The following CTNND2 variants were observed in gnomAD, a reference collection of about 807,000 sequenced individuals.
CTNND2 encodes the protein catenin delta 2, also known as catenin delta-2.
CTNND2 carries 22 observed loss-of-function variants against 144.4 expected under a neutral mutation model. The observed-to-expected ratio is 0.15, with a 90% CI of 0.11 to 0.22. The LOEUF (loss-of-function observed/expected upper bound fraction) is 0.22. Ranked by LOEUF, CTNND2 falls within the 10% of genes least tolerant of loss-of-function variation. CTNND2 has a pLI of 1.00. For missense variants in CTNND2, 1,353 were observed against 1,618.8 expected (o/e 0.84, Z 2.82); for synonymous variants, 751 against 695.6 (o/e 1.08, Z -1.25).
chr5:11,644,692 A>G (rs1234269607), intron 2 of CTNND2, among the ~76,000 whole-genome samples: 2 of 150,592 alleles, frequency 1.3e-5, no homozygotes, highest in Non-Finnish European at 3.0e-5. Flanking sequence ...AAAAAAAATG[A>G]TACCAAGCAA....
At chr5:11,008,345 G>T (rs1199728273) in intron 18 of CTNND2, among the ~76,000 whole-genome samples, 1 of 152,162 alleles carries the variant, frequency 6.6e-6, no homozygotes, top group African/African-American at 2.4e-5. Flanking sequence ...CTCAAGGGTT[G>T]TTCCTTATAA....
chr5:11,047,098 T>G (rs1256068148), intron 16 of CTNND2, among the ~76,000 whole-genome samples: 1 of 152,192 alleles, frequency 6.6e-6, no homozygotes, highest in East Asian at 1.9e-4. Flanking sequence ...TGAGCTGAGT[T>G]TCATGACCGT....
intron 1 of CTNND2, among the ~76,000 whole-genome samples, chr5:11,799,369 A>C (rs886750284): frequency 1.3e-5 from 2 of 152,124 alleles, no homozygotes; most frequent in Admixed American, 1.3e-4. Flanking sequence ...CTGAATAAAG[A>C]TATGGGTTCC....
chr5:11,444,368 A>G (rs1182004142), intron 3 of CTNND2, among the ~76,000 whole-genome samples: 1 of 152,234 alleles, frequency 6.6e-6, no homozygotes, highest in African/African-American at 2.4e-5. Flanking sequence ...GAAAAAACAA[A>G]TGTGTAACCT....
At chr5:11,285,875 T>C (rs545810707) in intron 9 of CTNND2, among the ~76,000 whole-genome samples, 2 of 152,330 alleles carry the variant, frequency 1.3e-5, no homozygotes, top group East Asian at 3.9e-4. Context: ...ATATGTTAAA[T>C]CCAAAGTGAT....
intron 1 of CTNND2, among the ~76,000 whole-genome samples, chr5:11,773,379 C>T (rs1790058251): frequency 6.6e-6 from 1 of 152,092 alleles, no homozygotes; most frequent in Non-Finnish European, 1.5e-5. Context: ...TTAATAAGTA[C>T]AATAGTCAAA....
At chr5:11,093,361 C>T (rs1291309532) in intron 15 of CTNND2, among the ~76,000 whole-genome samples, 1 of 148,438 alleles carries the variant, frequency 6.7e-6, no homozygotes, top group Non-Finnish European at 1.5e-5. Context: ...TAATAGTCTG[C>T]AACAAACAAA....
At chr5:11,528,680 G>A (rs999372895) in intron 3 of CTNND2, among the ~76,000 whole-genome samples, 1 of 152,210 alleles carries the variant, frequency 6.6e-6, no homozygotes, top group Non-Finnish European at 1.5e-5. Flanking sequence ...GCACCACAGA[G>A]TATATGGCCT....
chr5:11,401,363 G>C (rs1760634587), intron 5 of CTNND2, among the ~76,000 whole-genome samples: 6 of 152,126 alleles, frequency 3.9e-5, no homozygotes, highest in Non-Finnish European at 1.5e-5. Flanking sequence ...GAATACAGTA[G>C]ACCTTCAATT....
intron 2 of CTNND2, among the ~76,000 whole-genome samples, chr5:11,653,455 A>G (rs1782751350): frequency 6.6e-6 from 1 of 152,086 alleles, no homozygotes; most frequent in Non-Finnish European, 1.5e-5. Flanking sequence ...GTATCTCATC[A>G]TGGTTTTGAT....
At chr5:11,177,795 C>A (rs1760627769) in intron 11 of CTNND2, among the ~76,000 whole-genome samples, 1 of 151,952 alleles carries the variant, frequency 6.6e-6, no homozygotes, top group South Asian at 2.1e-4. Flanking sequence ...TTCTTTATGG[C>A]AATAATTAGA....
chr5:11,637,874 T>C (rs1781796467), intron 2 of CTNND2, among the ~76,000 whole-genome samples: 1 of 152,158 alleles, frequency 6.6e-6, no homozygotes, highest in African/African-American at 2.4e-5. Flanking sequence ...CTTTATAGAT[T>C]AAGACATTTG....
chr5:11,054,126 G>C (rs145737167), intron 16 of CTNND2, among the ~76,000 whole-genome samples: 4 of 152,296 alleles, frequency 2.6e-5, no homozygotes, highest in African/African-American at 9.6e-5. Context: ...GAGCCTCCAA[G>C]GAACCGAAAG....
chr5:11,562,774 T>A (rs983402391), intron 3 of CTNND2, among the ~76,000 whole-genome samples: 10 of 152,248 alleles, frequency 6.6e-5, no homozygotes, highest in African/African-American at 1.9e-4. Context: ...CAAGACACTT[T>A]GGATGTAATA....
At chr5:11,811,516 T>C (rs184060701) in intron 1 of CTNND2, among the ~76,000 whole-genome samples, 1 of 152,284 alleles carries the variant, frequency 6.6e-6, no homozygotes, top group African/African-American at 2.4e-5. Context: ...AGGCATGATA[T>C]TGTAAAGGTG....
At chr5:10,993,590 T>A (rs988983063) in intron 18 of CTNND2, among the ~76,000 whole-genome samples, 3 of 152,242 alleles carry the variant, frequency 2.0e-5, no homozygotes, top group Admixed American at 6.5e-5. Flanking sequence ...TCAATTCTTT[T>A]AGATTTTTTA....
chr5:11,077,737 C>A (rs6862028), intron 16 of CTNND2, among the ~76,000 whole-genome samples: 28,419 of 151,916 alleles, frequency 0.19, 3,138 homozygotes, highest in Non-Finnish European at 0.26. Context: ...TAAGGGGGTG[C>A]TCAGGAATAA....
chr5:11,696,813 A>C (rs559577090), intron 2 of CTNND2, among the ~76,000 whole-genome samples: 1 of 152,306 alleles, frequency 6.6e-6, no homozygotes, highest in South Asian at 2.1e-4. Flanking sequence ...CATGCTGCAT[A>C]ATAGCTGAAA....
chr5:11,012,917 C>T (rs1430673471), intron 18 of CTNND2, among the ~76,000 whole-genome samples: 1 of 151,896 alleles, frequency 6.6e-6, no homozygotes, highest in Admixed American at 6.6e-5. Flanking sequence ...ATGCATTTGG[C>T]AAAAAAGGAT....
Sources: allele counts gnomAD v4.1 joint callset (sites outside exome capture counted in the v4.1 genomes callset), GRCh38; gene constraint gnomAD v4.1.1; transcripts MANE v1.5; gene names NCBI Gene and HGNC (gene_info 2026-07-23, HGNC 2026-07-21).